Variants in ABCC4 observed in about 807,000 individuals in gnomAD.
The protein encoded by ABCC4 is ATP binding cassette subfamily C member 4 (PEL blood group), also known as ATP-binding cassette sub-family C member 4.
In ABCC4, 102 loss-of-function variants were observed where a neutral mutation model predicts 168.5. That is an observed-to-expected ratio of 0.61 (90% confidence interval 0.52 to 0.71). ABCC4 has a LOEUF of 0.71. Ranked by LOEUF, ABCC4 falls within the 30% of genes least tolerant of loss-of-function variation. ABCC4 has a pLI of 0.00. For missense variants in ABCC4, 1,402 were observed against 1,605.8 expected (o/e 0.87, Z 2.17); for synonymous variants, 617 against 590.7 (o/e 1.04, Z -0.65).
At chr13:95,144,255 C>CATAAAATATTATACTATAGAGT (rs2036414206) in intron 19 of ABCC4, among the ~76,000 whole-genome samples, 1 of 151,204 alleles carries the variant, frequency 6.6e-6, no homozygotes, top group Non-Finnish European at 1.5e-5. Context: ...ATGATGATAA[C>CATAAAATATTATACTATAGAGT]ATAAAATATT....
At chr13:95,213,730 A>G (rs2138686492) in intron 4 of ABCC4, among the ~76,000 whole-genome samples, 1 of 152,306 alleles carries the variant, frequency 6.6e-6, no homozygotes, top group Middle Eastern at 3.4e-3. Context: ...TTCAGAATGG[A>G]GCTACCTGCC....
chr13:95,282,136 TAAAA>T (rs34577420), intron 1 of ABCC4, among the ~76,000 whole-genome samples: 2 of 139,734 alleles, frequency 1.4e-5, no homozygotes, highest in Non-Finnish European at 1.6e-5. Flanking sequence ...GACTCCATCT[TAAAA>T]AAAAAAAAAA....
chr13:95,076,921 GGATAA>G (rs1482514517), intron 21 of ABCC4, among the ~76,000 whole-genome samples: 1 of 151,388 alleles, frequency 6.6e-6, no homozygotes, highest in Non-Finnish European at 1.5e-5. Context: ...CACCGTGCCT[GGATAA>G]TTTTTGAGTT....
At chr13:95,034,579 A>G in intron 30 of ABCC4, 26 bp downstream of exon 30, 2 of 1,605,320 alleles carry the variant, frequency 1.2e-6, no homozygotes, top group East Asian at 2.2e-5. Context: ...ACAAACTTTA[A>G]TTACAACTCC....
intron 4 of ABCC4, among the ~76,000 whole-genome samples, chr13:95,232,756 C>CTGA (rs2039659089): frequency 6.6e-6 from 1 of 152,052 alleles, no homozygotes; most frequent in African/African-American, 2.4e-5. Context: ...ATGACAAGTT[C>CTGA]TTTAGCTCTT....
chr13:95,265,527 T>C (rs2040646652), intron 1 of ABCC4, among the ~76,000 whole-genome samples: 1 of 152,134 alleles, frequency 6.6e-6, no homozygotes, highest in African/African-American at 2.4e-5. Context: ...TCCCAACACT[T>C]TGGGAGGCTG....
intron 30 of ABCC4, among the ~76,000 whole-genome samples, chr13:95,031,788 T>G (rs975863727): frequency 1.3e-5 from 2 of 152,258 alleles, no homozygotes; most frequent in Admixed American, 1.3e-4. Context: ...GGCCTTAGTT[T>G]CCTCATCTGT....
At chr13:95,144,247 G>A (rs2036413519) in intron 19 of ABCC4, among the ~76,000 whole-genome samples, 1 of 88,086 alleles carries the variant, frequency 1.1e-5, no homozygotes, top group South Asian at 3.4e-4. Flanking sequence ...GGTGAAGCAT[G>A]ATGATAACAT....
intron 19 of ABCC4, among the ~76,000 whole-genome samples, chr13:95,123,141 C>T (rs1204103653): frequency 6.6e-6 from 1 of 152,128 alleles, no homozygotes; most frequent in Non-Finnish European, 1.5e-5. Flanking sequence ...ACCCAAATGG[C>T]TTCAAGGCAA....
chr13:95,118,580 A>G (rs760935467), intron 19 of ABCC4, among the ~76,000 whole-genome samples: 6 of 152,188 alleles, frequency 3.9e-5, no homozygotes, highest in African/African-American at 7.2e-5. Context: ...AAACTGTCAT[A>G]ATCAGAGCTG....
chr13:95,074,276 A>G lies in ABCC4; in HGVS notation c.2855T>C (p.Leu952Pro). 6.2e-7 allele frequency: 1 copy of G among 1,614,042 alleles called. No homozygotes were observed. The highest frequency in any genetic ancestry group is 1.1e-5 in the South Asian group (1 of 91,020). The change falls in exon 23 of 31, where the codon CTG (leucine) becomes CCG (proline). Residue 952 changes from leucine to proline, a missense_variant. This residue lies in a region of ABCC4 where 1,007 missense variants were observed against 1,127.3 expected (regional missense o/e 0.89). Transcript: ENST00000645237. ...LTTSRWFAVR[L>P]DAICAMFVII... ...GACAAACATGGCACAGATGGCATCC[A>G]GACGGACGGCAAACCAGCGGGACGT...
chr13:95,296,746 G>A (rs984028432), intron 1 of ABCC4, among the ~76,000 whole-genome samples: 1 of 152,150 alleles, frequency 6.6e-6, no homozygotes, highest in African/African-American at 2.4e-5. Context: ...GGGCACCAGG[G>A]GGCAGCAGGA....
chr13:95,071,628 G>C, intron 25 of ABCC4, 34 bp downstream of exon 25: 1 of 1,392,108 alleles, frequency 7.2e-7, no homozygotes, highest in Non-Finnish European at 9.4e-7. Flanking sequence ...TAAATCTTCT[G>C]AAATTGAGAA....
Position 95,164,481 on chromosome 13 carries a change from C to T in ABCC4, c.2072G>A (p.Arg691His), listed in dbSNP as rs551340224. ...CTGAAAACCAACTTTTCCTTCAGAA[C>T]GGTTCTCCTCTGATAGTGTAACTGG... is the stretch of plus-strand genomic sequence containing the variant. ...NVPVTLSEEN[R>H]SEGKVGFQAY... Residue 691 changes from arginine (R) to histidine (H), a missense_variant, in exon 16 of 31, where the codon CGT (arginine) becomes CAT (histidine). Physicochemically the swap from Arg to His is conservative, Grantham distance 29 (BLOSUM62 0). This residue lies in a region of ABCC4 where 1,007 missense variants were observed against 1,127.3 expected (regional missense o/e 0.89). Coordinates refer to ENST00000645237, the MANE Select transcript of ABCC4 (RefSeq NM_005845.5). 41 of 1,614,098 alleles carry T rather than the reference C, an allele frequency of 2.5e-5. No individual in the cohort carries two copies. Among genetic ancestry groups the T allele is most frequent in the Admixed American group, 5.0e-5 (3 of 60,018 alleles).
At chr13:95,069,946 A>G (rs1431019134) in intron 25 of ABCC4, among the ~76,000 whole-genome samples, 2 of 152,190 alleles carry the variant, frequency 1.3e-5, no homozygotes, top group African/African-American at 4.8e-5. Context: ...CAGATGTTAC[A>G]TTAAAGAATC....
intron 4 of ABCC4, among the ~76,000 whole-genome samples, chr13:95,218,977 G>GAAGA (rs2039223833): frequency 8.5e-5 from 3 of 35,420 alleles, no homozygotes; most frequent in African/African-American, 1.3e-4. Context: ...AAGAAAGAAA[G>GAAGA]AAAGAAAGAG....
intron 1 of ABCC4, among the ~76,000 whole-genome samples, chr13:95,300,362 A>G (rs1045246450): frequency 6.6e-6 from 1 of 151,948 alleles, no homozygotes; most frequent in Admixed American, 6.6e-5. Context: ...CGTGGAAGTG[A>G]AAGTATTGGA....
chr13:95,212,187 TA>T (rs1421771753), intron 4 of ABCC4, among the ~76,000 whole-genome samples: 3 of 85,632 alleles, frequency 3.5e-5, no homozygotes, highest in Admixed American at 1.1e-4. Context: ...AAAAAAAAAT[TA>T]AAAAATGCTA....
At chr13:95,233,667 T>TA (rs2039686073) in intron 4 of ABCC4, among the ~76,000 whole-genome samples, 1 of 152,086 alleles carries the variant, frequency 6.6e-6, no homozygotes, top group Non-Finnish European at 1.5e-5. Context: ...TGAAATTATT[T>TA]AAAATAAATA....
Sources: allele counts gnomAD v4.1 joint callset (sites outside exome capture counted in the v4.1 genomes callset), GRCh38; gene constraint gnomAD v4.1.1; regional missense constraint gnomAD v4.1.1; transcripts MANE v1.5; gene names NCBI Gene and HGNC (gene_info 2026-07-23, HGNC 2026-07-21).